MAPKAP1: variants seen among roughly 807,000 people sequenced by gnomAD.
The protein encoded by MAPKAP1 is MAPK associated protein 1.
A neutral mutation model predicts 65.7 loss-of-function variants in MAPKAP1; 20 were observed. The observed-to-expected ratio is 0.30, with a 90% CI of 0.21 to 0.44. The LOEUF is 0.44. Among genes scored for constraint, MAPKAP1 ranks in the 20% least tolerant of loss-of-function variants. The probability of loss-of-function intolerance (pLI) is 1.00; values close to 1 mark genes in which losing one functional copy is unlikely to be tolerated. For synonymous variants in MAPKAP1, 222 were observed against 244.3 expected (o/e 0.91, Z 0.85); for missense variants, 423 against 648.0 (o/e 0.65, Z 3.77).
intron 1 of MAPKAP1, among the ~76,000 whole-genome samples, chr9:125,702,408 C>A (rs1387204080): frequency 6.6e-6 from 1 of 152,098 alleles, no homozygotes; most frequent in Non-Finnish European, 1.5e-5. Flanking sequence ...GTGGCGCATA[C>A]CTGTAATCCC....
At chr9:125,450,672 T>C (rs1350307806) in intron 10 of MAPKAP1, among the ~76,000 whole-genome samples, 3 of 152,234 alleles carry the variant, frequency 2.0e-5, no homozygotes, top group Non-Finnish European at 2.9e-5. Context: ...ACATCAGGCA[T>C]GGATACTTTT....
intron 4 of MAPKAP1, among the ~76,000 whole-genome samples, chr9:125,635,949 A>G (rs1833411173): frequency 6.6e-6 from 1 of 152,232 alleles, no homozygotes; most frequent in African/African-American, 2.4e-5. Context: ...GTTAACAGAC[A>G]TGTTAACTCA....
chr9:125,626,426 G>A (rs1833121728), intron 4 of MAPKAP1, among the ~76,000 whole-genome samples: 1 of 152,206 alleles, frequency 6.6e-6, no homozygotes. Context: ...TGTCTCCTAT[G>A]CAGATCCAAT....
chr9:125,642,889 A>G (rs1833618942), intron 4 of MAPKAP1, among the ~76,000 whole-genome samples: 1 of 152,068 alleles, frequency 6.6e-6, no homozygotes, highest in Non-Finnish European at 1.5e-5. Flanking sequence ...TTTAACAAAA[A>G]TATAATATAT....
intron 4 of MAPKAP1, among the ~76,000 whole-genome samples, chr9:125,606,910 A>T (rs1372837051): frequency 1.3e-5 from 2 of 152,190 alleles, no homozygotes; most frequent in African/African-American, 2.4e-5. Flanking sequence ...GCTCATGGGT[A>T]GAAAGTGGAA....
intron 10 of MAPKAP1, among the ~76,000 whole-genome samples, chr9:125,445,452 T>TGGCTC (rs1226115498): frequency 6.6e-6 from 1 of 152,246 alleles, no homozygotes; most frequent in African/African-American, 2.4e-5. Flanking sequence ...TGATCCTGGG[T>TGGCTC]GGCTCAGCTC....
At chr9:125,691,180 GA>G (rs386738552) in intron 1 of MAPKAP1, among the ~76,000 whole-genome samples, 31 of 152,284 alleles carry the variant, frequency 2.0e-4, no homozygotes, top group Admixed American at 1.5e-3. Context: ...AGAATGGCGT[GA>G]ACCTGGGAGG....
chr9:125,581,902 A>C (rs1030649979), intron 5 of MAPKAP1, among the ~76,000 whole-genome samples: 2 of 151,616 alleles, frequency 1.3e-5, no homozygotes, highest in African/African-American at 4.8e-5. Flanking sequence ...CATCAAACCC[A>C]CTCCTATCTG....
At chr9:125,610,159 A>G (rs945241561) in intron 4 of MAPKAP1, among the ~76,000 whole-genome samples, 3 of 152,156 alleles carry the variant, frequency 2.0e-5, no homozygotes, top group African/African-American at 7.3e-5. Context: ...TGAAATAAAG[A>G]GCCATGATAT....
chr9:125,464,857 C>T (rs1853621198), intron 10 of MAPKAP1, among the ~76,000 whole-genome samples: 1 of 152,230 alleles, frequency 6.6e-6, no homozygotes, highest in East Asian at 1.9e-4. Flanking sequence ...AACTTGAGTT[C>T]TATGCCTTAT....
intron 1 of MAPKAP1, among the ~76,000 whole-genome samples, chr9:125,703,952 G>A (rs910137977): frequency 6.6e-6 from 1 of 152,088 alleles, no homozygotes; most frequent in African/African-American, 2.4e-5. Context: ...TCAGGTATAA[G>A]TCAATAAGCA....
At chr9:125,627,795 G>C (rs548886716) in intron 4 of MAPKAP1, among the ~76,000 whole-genome samples, 1 of 151,988 alleles carries the variant, frequency 6.6e-6, no homozygotes, top group Non-Finnish European at 1.5e-5. Context: ...ATGTGGGAAC[G>C]AAGCTCTGAA....
intron 8 of MAPKAP1, among the ~76,000 whole-genome samples, chr9:125,501,155 A>C (rs1008656878): frequency 6.6e-6 from 1 of 152,232 alleles, no homozygotes; most frequent in Non-Finnish European, 1.5e-5. Flanking sequence ...ATGCATGCTC[A>C]CCTTAGAAAC....
At chr9:125,621,028 T>A (rs1832881705) in intron 4 of MAPKAP1, among the ~76,000 whole-genome samples, 1 of 151,916 alleles carries the variant, frequency 6.6e-6, no homozygotes, top group African/African-American at 2.4e-5. Context: ...TCCCAGTACT[T>A]TGGGAGGCTG....
intron 5 of MAPKAP1, among the ~76,000 whole-genome samples, chr9:125,562,354 T>G (rs1424478746): frequency 2.6e-5 from 4 of 152,178 alleles, no homozygotes; most frequent in African/African-American, 4.8e-5. Flanking sequence ...AGTGCCCCCC[T>G]GGGCTGTGGC....
At chr9:125,579,910 A>G (rs1456086665) in intron 5 of MAPKAP1, among the ~76,000 whole-genome samples, 1 of 152,250 alleles carries the variant, frequency 6.6e-6, no homozygotes, top group Non-Finnish European at 1.5e-5. Flanking sequence ...TAGACTCAAT[A>G]TAATCATGTA....
At chr9:125,543,298 G>A (rs1317842893) in intron 6 of MAPKAP1, 130 bp from the exon 7 acceptor site, 9 of 642,598 alleles carry the variant, frequency 1.4e-5, no homozygotes, top group East Asian at 6.0e-5. Context: ...ATGGAGTCTC[G>A]CTCTGTCACC....
chr9:125,562,548 G>A (rs1013195032), intron 5 of MAPKAP1, among the ~76,000 whole-genome samples: 2 of 152,134 alleles, frequency 1.3e-5, no homozygotes, highest in Admixed American at 1.3e-4. Flanking sequence ...TCTACACATG[G>A]ACATACTGGT....
chr9:125,544,320 T>A (rs1830358641), intron 6 of MAPKAP1, among the ~76,000 whole-genome samples: 1 of 152,180 alleles, frequency 6.6e-6, no homozygotes, highest in African/African-American at 2.4e-5. Context: ...ATTTTTTTTT[T>A]TAAATACAGT....
Sources: gnomAD v4.1 joint callset for allele counts (sites outside exome capture counted in the v4.1 genomes callset) on GRCh38, gnomAD v4.1.1 for gene constraint, MANE v1.5 for transcripts, NCBI Gene and HGNC (gene_info 2026-07-23, HGNC 2026-07-21) for gene names.